The following PLEKHN1 variants were observed in gnomAD, a reference collection of about 807,000 sequenced individuals.
PLEKHN1 encodes pleckstrin homology domain-containing family N member 1.
In PLEKHN1, 68 loss-of-function variants were observed where a neutral mutation model predicts 72.8. The ratio of observed to expected loss-of-function variants is 0.93; its 90% CI spans 0.77 to 1.14. PLEKHN1 has a LOEUF of 1.14. Among genes scored for constraint, PLEKHN1 ranks in the 50% most tolerant of loss-of-function variants. The probability of loss-of-function intolerance (pLI) is 0.00; values close to 1 mark genes in which losing one functional copy is unlikely to be tolerated. For missense variants in PLEKHN1, 1,015 were observed against 840.5 expected, an observed-to-expected ratio of 1.21 and a Z score of -2.57; for synonymous variants, 454 against 371.6, an observed-to-expected ratio of 1.22 and a Z score of -2.55.
Position 975,810 on chromosome 1 carries a change from G to A in PLEKHN1, c.*1235G>A, listed in dbSNP as rs576952649. ...GCACCCCAGAAGAAACGCAGGGTGC[G>A]GTTGCATTTGATTTCAGATAAACAA... On this transcript the variant is annotated 3_prime_UTR_variant, in exon 16 of 16. Coordinates refer to ENST00000379410, the MANE Select transcript of PLEKHN1 (RefSeq NM_032129.3). The A allele has an allele frequency of 5.3e-5, 12 of 226,166 alleles. No homozygotes were observed. The highest frequency in any genetic ancestry group is 2.9e-4 in the South Asian group (4 of 13,766). 14.0% of individuals were successfully genotyped at this position (226,166 alleles called of 1,614,324 possible).
In PLEKHN1 at chr1:974,740, C is replaced by A; in HGVS notation, c.*165C>A. ...GTCCCTCAGCTCCTGTTCCTTGGTG[C>A]CAGCAGCTGGGGCAGGGAAGGGTGG... On this transcript the variant is annotated 3_prime_UTR_variant, in exon 16 of 16. Transcript: ENST00000379410. 1.1e-6 allele frequency: 1 copy of A among 935,080 alleles called. No homozygotes were observed. Among genetic ancestry groups the A allele is most frequent in the Non-Finnish European group, 1.5e-6 (1 of 645,774 alleles). 57.9% of individuals were successfully genotyped at this position (935,080 alleles called of 1,614,324 possible).
At chr1:972,721 G>A (rs1031537291) in intron 10 of PLEKHN1, 140 bp from the exon 11 acceptor site, 43 of 1,138,342 alleles carry the variant, frequency 3.8e-5, no homozygotes, top group South Asian at 8.2e-5. Context: ...AGCCGAGATC[G>A]TGCCACTGTA....
At position 972,036 on chromosome 1, in the gene PLEKHN1, G is replaced by A. The variant is rs1461948086; in HGVS notation, c.790-39G>A. ...TGAGGCCAGGCGGGGCCCCGGGGCT[G>A]CCCCTACAAAGGCCTGGCCCTCAAT... On this transcript the variant is annotated intron_variant, in intron 8 of 15. Transcript: ENST00000379410. 2 of 1,594,506 alleles carry A rather than the reference G, an allele frequency of 1.3e-6. 1 individual carries two copies. Among genetic ancestry groups the A allele is most frequent in the South Asian group, 2.2e-5 (2 of 89,578 alleles).
rs767221807 is a variant in PLEKHN1 at position 971,000 on chromosome 1, C to T, written c.606C>T (p.Pro202=). ...GGCCGCGGCGCTGCCACTCGGCACC[C>T]CCACAGGTCAGTGCCGGGGACCCCA... is the stretch of plus-strand genomic sequence containing the variant. ...LGGPRRCHSA[P]PQRRLTRLRT... is the part of the protein sequence containing the mutation. The change falls in exon 6 of 16, where the codon CCC becomes CCT. Residue 202 remains proline, a synonymous_variant. Transcript: ENST00000379410. The surrounding 1 kb of genome is among the most constrained non-coding windows in gnomAD (Gnocchi z 4.2). The T allele has an allele frequency of 1.2e-6, 2 of 1,603,640 alleles. No individual in the cohort carries two copies. Among genetic ancestry groups the T allele is most frequent in the East Asian group, 2.3e-5 (1 of 44,440 alleles).
intron 10 of PLEKHN1, 102 bp downstream of exon 10, chr1:972,526 G>A (rs1160902079): frequency 7.4e-7 from 1 of 1,359,654 alleles, no homozygotes; most frequent in East Asian, 2.5e-5. Context: ...AGCATTTTAG[G>A]AGGCTGAGGC....
At chr1:966,640 C>T (rs1642994078) in intron 1 of PLEKHN1, 26 bp downstream of exon 1, 2 of 1,599,484 alleles carry the variant, frequency 1.3e-6, no homozygotes, top group Middle Eastern at 3.3e-4. Context: ...GTGCGGCCAC[C>T]TGGGCGCAGG....
Position 972,064 on chromosome 1 carries a change from C to T in PLEKHN1, c.790-11C>T, listed in dbSNP as rs776224288. ...CCTACAAAGGCCTGGCCCTCAATCT[C>T]TGCTCCGCAGGGGGAGCTCCCACTC... On this transcript the variant is annotated splice_polypyrimidine_tract_variant and intron_variant, in intron 8 of 15. Transcript: ENST00000379410. 1.4e-5 allele frequency: 23 copies of T among 1,611,744 alleles called. No homozygotes were observed. Among genetic ancestry groups the T allele is most frequent in the Non-Finnish European group, 2.0e-5 (23 of 1,179,290 alleles).
chr1:968,414 A>C (rs958243122), intron 2 of PLEKHN1, among the ~76,000 whole-genome samples: 3 of 152,230 alleles, frequency 2.0e-5, no homozygotes, highest in African/African-American at 7.2e-5. Flanking sequence ...CCTGGTGATC[A>C]AAGCCTGCAT....
intron 10 of PLEKHN1, among the ~76,000 whole-genome samples, 153 bp from the exon 11 acceptor site, chr1:972,708 G>C (rs1253970362): frequency 6.6e-6 from 1 of 152,072 alleles, no homozygotes; most frequent in African/African-American, 2.4e-5. Flanking sequence ...GGAGGTTGCA[G>C]TGAGCCGAGA....
At chr1:967,581 G>A (rs758975872) in intron 2 of PLEKHN1, among the ~76,000 whole-genome samples, 60 of 152,230 alleles carry the variant, frequency 3.9e-4, no homozygotes, top group Non-Finnish European at 6.5e-4. Flanking sequence ...GGGAGAGGAC[G>A]CCTGCCCTGC....
chr1:975,130 G>C lies in PLEKHN1; in HGVS notation c.*555G>C, dbSNP rs548503468. ...AAAAGAGAGAAGAGAGAGAGGAGAA[G>C]AGAGAAAAGAAGAGAAGAGAGAAGA... On this transcript the variant is annotated 3_prime_UTR_variant, in exon 16 of 16. Transcript: ENST00000379410. 6.6e-6 allele frequency: 1 copy of C among 151,766 alleles called. No homozygotes were observed. The highest frequency in any genetic ancestry group is 1.5e-5 in the Non-Finnish European group (1 of 68,342). The allele number at this position is 151,766 out of a possible 1,614,324, so 9.4% of individuals were successfully genotyped here.
chr1:969,607 C>T (rs1481339658), intron 2 of PLEKHN1, among the ~76,000 whole-genome samples: 1 of 150,968 alleles, frequency 6.6e-6, no homozygotes, highest in African/African-American at 2.4e-5. Flanking sequence ...CATGTATGCA[C>T]GTGTGTGCAT....
rs962064571 is a variant in PLEKHN1, at chr1:970,534, G to A, written c.344G>A (p.Cys115Tyr). ...RFQHSQDVSD[C>Y]YLELFPAHLY... is the part of the protein sequence containing the mutation. Reference sequence around the variant, plus strand: ...CTCCCCGCGCAGGATGTCAGCGACTGCTACCTGGAGCTATTCCCCGCCCAC... The same window carrying A: ...CTCCCCGCGCAGGATGTCAGCGACTACTACCTGGAGCTATTCCCCGCCCAC... Residue 115 changes from cysteine to tyrosine, a missense_variant, in exon 4 of 16, where the codon TGC (cysteine) becomes TAC (tyrosine). Coordinates refer to ENST00000379410, the MANE Select transcript of PLEKHN1 (RefSeq NM_032129.3). This position sits in a 1 kb window ranked among gnomAD's most constrained non-coding sequence, Gnocchi z 4.2. 6 of 1,613,034 alleles carry A rather than the reference G, an allele frequency of 3.7e-6. No homozygotes were observed. The Admixed American group carries it at 5.0e-5, about 13-fold the overall frequency.
chr1:973,598 C>T lies in PLEKHN1; in HGVS notation c.1392C>T (p.Ala464=). The T allele has an allele frequency of 1.2e-6, 2 of 1,613,268 alleles. No individual in the cohort carries two copies. The highest frequency in any genetic ancestry group is 2.2e-5 in the East Asian group (1 of 44,872). The change falls in exon 13 of 16, where the codon GCC becomes GCT. Residue 464 remains alanine (A), a synonymous_variant. Coordinates refer to ENST00000379410, the MANE Select transcript of PLEKHN1 (RefSeq NM_032129.3). ...PLYADPYTPP[A]TSHRRVTDVR... Reference sequence around the variant, plus strand: ...ATGCCGACCCCTACACACCACCCGCCACCTCCCACCGCAGGGTCACAGATG... The same window carrying T: ...ATGCCGACCCCTACACACCACCCGCTACCTCCCACCGCAGGGTCACAGATG...
At chr1:972,564 G>A (rs535917574) in intron 10 of PLEKHN1, 140 bp downstream of exon 10, 13 of 1,148,812 alleles carry the variant, frequency 1.1e-5, no homozygotes, top group South Asian at 6.5e-5. Context: ...TCAGGGGTTC[G>A]AGATCAGCCT....
Position 974,068 on chromosome 1 carries a change from A to G in PLEKHN1, c.1653+17A>G. On this transcript the variant is annotated intron_variant, in intron 14 of 15. Coordinates refer to ENST00000379410, the MANE Select transcript of PLEKHN1 (RefSeq NM_032129.3). ...CCTCAGCTTGTGAGTAGCAGCCCCC[A>G]CGCCCGTGTGCCCCGGGCTCCGGGC... is the stretch of plus-strand genomic sequence containing the variant. The G allele has an allele frequency of 6.4e-7, 1 of 1,561,906 alleles. No individual in the cohort carries two copies. The highest frequency in any genetic ancestry group is 1.2e-5 in the South Asian group (1 of 86,808).
At position 974,554 on chromosome 1, in the gene PLEKHN1, G is replaced by C; in HGVS notation, c.1815G>C (p.Gly605=). Residue 605 remains glycine (G), a synonymous_variant, in exon 16 of 16, where the codon GGG becomes GGC. Transcript: ENST00000379410. ...AGCTTGGAGGGCCTGAGGCCAGTGG[G>C]GGGCTTGTGCAGTGGATCTGATGGC... is the stretch of plus-strand genomic sequence containing the variant. ...CPQLGGPEAS[G]GLVQWI 2 of 1,612,070 alleles carry C rather than the reference G, an allele frequency of 1.2e-6. No homozygotes were observed. The highest frequency in any genetic ancestry group is 2.2e-5 in the South Asian group (2 of 90,954).
intron 8 of PLEKHN1, 115 bp downstream of exon 8, chr1:971,519 C>T (rs1438776119): frequency 1.0e-6 from 1 of 992,132 alleles, no homozygotes. Flanking sequence ...GAGCGCAGGG[C>T]CCTGCCCACC....
intron 11 of PLEKHN1, 50 bp from the exon 12 acceptor site, chr1:973,136 A>T: frequency 6.7e-7 from 1 of 1,496,432 alleles, no homozygotes; most frequent in Middle Eastern, 1.7e-4. Flanking sequence ...AGAGAGTTGC[A>T]CGGGAGAGGG....
Sources: gnomAD v4.1 joint callset for allele counts (sites outside exome capture counted in the v4.1 genomes callset) on GRCh38, gnomAD v4.1.1 for gene constraint, Gnocchi (gnomAD v3.1) non-coding constraint, MANE v1.5 for transcripts, NCBI Gene and HGNC (gene_info 2026-07-23, HGNC 2026-07-21) for gene names.